KRT6B: variants seen among roughly 807,000 people sequenced by gnomAD.
KRT6B encodes the protein keratin, type II cytoskeletal 6B.
KRT6B carries 29 observed loss-of-function variants against 44.7 expected under a neutral mutation model. That is an observed-to-expected ratio of 0.65 (90% CI 0.48 to 0.88). The LOEUF is 0.88. Among genes scored for constraint, KRT6B ranks in the 40% least tolerant of loss-of-function variants. The pLI, the probability that KRT6B is intolerant of heterozygous loss-of-function variation, is 0.00. For missense variants in KRT6B, 600 were observed against 724.0 expected (o/e 0.83, Z 1.97); for synonymous variants, 213 against 296.0 (o/e 0.72, Z 2.88).
chr12:52,447,426 C>T lies in KRT6B; in HGVS notation c.1460-1G>A. The T allele has an allele frequency of 6.2e-7, 1 of 1,614,026 alleles. No homozygotes were observed. Among genetic ancestry groups the T allele is most frequent in the Non-Finnish European group, 8.5e-7 (1 of 1,179,954 alleles). The stretch of plus-strand genomic sequence containing the variant: ...CTGGAGACGGTGGACTGCACTACAG[C>T]TGTGGTGGGGAGGGGACAAGGACAC... On this transcript the variant is annotated splice_acceptor_variant, in intron 8 of 8. Transcript: ENST00000252252. LOFTEE classifies it high-confidence loss of function.
rs1253671512 is a variant in KRT6B at position 52,448,964 on chromosome 12, C to T, written c.1081G>A (p.Glu361Lys). The T allele has an allele frequency of 1.8e-5, 29 of 1,612,762 alleles. No homozygotes were observed. The Middle Eastern group carries it at 4.9e-4, about 27-fold the overall frequency. The change falls in exon 6 of 9, where the codon GAG (glutamate) becomes AAG (lysine). Residue 361 changes from glutamate to lysine, a missense_variant. Glu to Lys is a moderately conservative substitution (Grantham distance 56, BLOSUM62 1). Around this residue, in one of 4 missense-constraint regions of KRT6B, gnomAD observed 479 missense variants for 454.2 expected, o/e 1.05. Transcript: ENST00000252252. ...CTGCCTGCTGTGATCTGCAGCTCCT[C>T]GTACTGCAGCCCAGAGGTGGAGAGA... ...EAESWYQTKY[E>K]ELQITAGRHG... is the part of the protein sequence containing the mutation.
rs1341430226 is a variant in KRT6B at position 52,447,937 on chromosome 12, TCCTTGAGGG to T, written c.1256_1264del (p.Ala419_Lys421del). The T allele has an allele frequency of 3.7e-6, 6 of 1,614,052 alleles. No homozygotes were observed. The highest frequency in any genetic ancestry group is 5.1e-6 in the Non-Finnish European group (6 of 1,180,044). On this transcript the variant is annotated inframe_deletion, in exon 7 of 9. Transcript: ENST00000252252. The stretch of plus-strand genomic sequence containing the variant: ...CAGCCCTTCCAGCTTGTTCTTAGCA[TCCTTGAGGG>T]CCATCTCCCCACGCTGCTCAGCATC...
chr12:52,450,706 T>A, intron 1 of KRT6B, 86 bp from the exon 2 acceptor site: 2 of 1,595,254 alleles, frequency 1.3e-6, no homozygotes, highest in Non-Finnish European at 1.7e-6. Flanking sequence ...GTCTGGGAGG[T>A]CCCCATGGTG....
At position 52,449,813 on chromosome 12, in the gene KRT6B, G is replaced by T. The variant is rs771623502; in HGVS notation, c.857C>A (p.Ala286Asp). 3 of 1,613,984 alleles carry T rather than the reference G, an allele frequency of 1.9e-6. No individual in the cohort carries two copies. Among genetic ancestry groups the T allele is most frequent in the Non-Finnish European group, 2.5e-6 (3 of 1,179,892 alleles). Reference protein sequence around the residue: ...AAYMNKVELQAKADTLTDEIN... With the variant: ...AAYMNKVELQDKADTLTDEIN... ...CTCATCTGTAAGAGTGTCTGCCTTG[G>T]CTTGCAGTTCAACCTTGTTCATGTA... is the stretch of plus-strand genomic sequence containing the variant. The change falls in exon 4 of 9, where the codon GCC becomes GAC. Residue 286 changes from alanine (A) to aspartate (D), a missense_variant. Ala to Asp is a moderately radical substitution (Grantham distance 126). Transcript: ENST00000252252.
chr12:52,450,347 A>T (rs1414654840), intron 2 of KRT6B, 59 bp downstream of exon 2: 2 of 1,584,084 alleles, frequency 1.3e-6, no homozygotes, highest in African/African-American at 1.4e-5. Flanking sequence ...TCCTACACAC[A>T]TCTGGCCCTG....
chr12:52,448,088 C>G, intron 6 of KRT6B, 90 bp from the exon 7 acceptor site: 1 of 1,535,344 alleles, frequency 6.5e-7, no homozygotes, highest in South Asian at 1.1e-5. Flanking sequence ...AAGAAGGCAC[C>G]AGGAACCCAG....
rs370867896 is a variant in KRT6B, at chr12:52,449,645, A to G, written c.913-12T>C. On this transcript the variant is annotated splice_polypyrimidine_tract_variant and intron_variant, in intron 4 of 8. Coordinates refer to ENST00000252252, the MANE Select transcript of KRT6B (RefSeq NM_005555.4). ...ATCTGGGACAGCTCCTGCAGAACAGAAGGTCATAAGATCAACTTCACTTCT... is the reference window on the plus strand; with the variant it reads ...ATCTGGGACAGCTCCTGCAGAACAGGAGGTCATAAGATCAACTTCACTTCT... The G allele has an allele frequency of 7.4e-6, 12 of 1,614,074 alleles. No homozygotes were observed. Among genetic ancestry groups the G allele is most frequent in the Non-Finnish European group, 1.0e-5 (12 of 1,180,040 alleles).
At chr12:52,448,031 A>G (rs747404286) in intron 6 of KRT6B, 33 bp from the exon 7 acceptor site, 1 of 1,613,878 alleles carries the variant, frequency 6.2e-7, no homozygotes, top group Non-Finnish European at 8.5e-7. Context: ...AGAACTTGTC[A>G]TCTGGTCTTC....
In KRT6B at chr12:52,446,832, GA is replaced by G; in HGVS notation, c.*357del. 2.9e-6 allele frequency: 1 copy of G among 342,908 alleles called. No individual in the cohort carries two copies. The highest frequency in any genetic ancestry group is 3.5e-5 in the South Asian group (1 of 28,394). The allele number at this position is 342,908 out of a possible 1,614,324, so 21.2% of individuals were successfully genotyped here. On this transcript the variant is annotated 3_prime_UTR_variant, in exon 9 of 9. Coordinates refer to ENST00000252252, the MANE Select transcript of KRT6B (RefSeq NM_005555.4). ...TCCTGAGTGTAGCTATAATGGGCAGGATGGTTAGCAATTAAAGAGAGGACTC... is the reference window on the plus strand; with the variant it reads ...TCCTGAGTGTAGCTATAATGGGCAGGTGGTTAGCAATTAAAGAGAGGACTC...
In KRT6B at chr12:52,449,451, T is replaced by A; in HGVS notation, c.1077+18A>T. ...ATGGACACAAGGATTCCTCAGCGGCTGTCCACTCCGTGCTCACCTTTGTCT... is the reference window on the plus strand; with the variant it reads ...ATGGACACAAGGATTCCTCAGCGGCAGTCCACTCCGTGCTCACCTTTGTCT... On this transcript the variant is annotated intron_variant, in intron 5 of 8. Coordinates refer to ENST00000252252, the MANE Select transcript of KRT6B (RefSeq NM_005555.4). The A allele has an allele frequency of 1.2e-6, 2 of 1,614,210 alleles. No homozygotes were observed. Among genetic ancestry groups the A allele is most frequent in the South Asian group, 2.2e-5 (2 of 91,080 alleles).
At chr12:52,450,139 G>A (rs1940374838) in intron 2 of KRT6B, 67 bp from the exon 3 acceptor site, 1 of 1,613,322 alleles carries the variant, frequency 6.2e-7, no homozygotes. Flanking sequence ...AGCAGCTTGG[G>A]ATTCAACATT....
chr12:52,449,962 C>G (rs762708461), intron 3 of KRT6B, 50 bp downstream of exon 3: 3 of 1,613,772 alleles, frequency 1.9e-6, no homozygotes, highest in Non-Finnish European at 2.5e-6. Context: ...GGACACAGAG[C>G]CACTTCTCTC....
At chr12:52,448,074 A>C in intron 6 of KRT6B, 76 bp from the exon 7 acceptor site, 3 of 1,591,444 alleles carry the variant, frequency 1.9e-6, no homozygotes, top group Non-Finnish European at 2.6e-6. Flanking sequence ...GTTCTTTTCC[A>C]GTGAAGAAGG....
intron 2 of KRT6B, 141 bp from the exon 3 acceptor site, chr12:52,450,213 G>A (rs1309839376): frequency 6.5e-7 from 1 of 1,542,794 alleles, no homozygotes; most frequent in Non-Finnish European, 8.9e-7. Context: ...GATGAATTTT[G>A]CTACTACTAA....
chr12:52,447,902 G>C lies in KRT6B; in HGVS notation c.1300C>G (p.Leu434Val). ...KNKLEGLEDA[L>V]QKAKQDLARL... Reference sequence around the variant, plus strand: ...GCCAGGTCCTGCTTGGCCTTCTGCAGGGCATCCTCCAGCCCTTCCAGCTTG... The same window carrying C: ...GCCAGGTCCTGCTTGGCCTTCTGCACGGCATCCTCCAGCCCTTCCAGCTTG... The change falls in exon 7 of 9, where the codon CTG becomes GTG. Residue 434 changes from leucine to valine, a missense_variant. Physicochemically the swap from Leu to Val is conservative, Grantham distance 32 (BLOSUM62 1). Coordinates refer to ENST00000252252, the MANE Select transcript of KRT6B (RefSeq NM_005555.4). The C allele has an allele frequency of 2.5e-6, 4 of 1,614,176 alleles. No homozygotes were observed. Among genetic ancestry groups the C allele is most frequent in the Non-Finnish European group, 3.4e-6 (4 of 1,180,042 alleles).
chr12:52,451,744 A>G lies in KRT6B; in HGVS notation c.335T>C (p.Leu112Pro). The G allele has an allele frequency of 1.9e-6, 3 of 1,612,678 alleles. No homozygotes were observed. Among genetic ancestry groups the G allele is most frequent in the Non-Finnish European group, 2.5e-6 (3 of 1,179,798 alleles). Residue 112 changes from leucine (L) to proline (P), a missense_variant, in exon 1 of 9, where the codon CTG becomes CCG. Physicochemically the swap from Leu to Pro is moderately conservative, Grantham distance 98. Transcript: ENST00000252252. ...ACCAGCAAGGCCGGCTCCACCACCC[A>G]GACCAAAGCCAATGCCGGCTCCACC... ...FGGGAGIGFGLGGGAGLAGGF... is the reference protein window; with the variant it reads ...FGGGAGIGFGPGGGAGLAGGF...
chr12:52,448,743 A>G (rs944992476), intron 6 of KRT6B, 99 bp downstream of exon 6: 1 of 1,596,980 alleles, frequency 6.3e-7, no homozygotes, highest in Non-Finnish European at 8.6e-7. Context: ...TCTGCTTATC[A>G]ATCAATTCCC....
chr12:52,452,146 C>G lies in KRT6B; in HGVS notation c.-68G>C. On this transcript the variant is annotated 5_prime_UTR_variant, in exon 1 of 9. Coordinates refer to ENST00000252252, the MANE Select transcript of KRT6B (RefSeq NM_005555.4). The stretch of plus-strand genomic sequence containing the variant: ...GAGGCGAGAGGGAGGAGAAGCAGGA[C>G]GAGGAATCGGACTCCAGTAGCAGCT... 6.2e-7 allele frequency: 1 copy of G among 1,608,960 alleles called. No homozygotes were observed. The highest frequency in any genetic ancestry group is 1.1e-5 in the South Asian group (1 of 90,388).
Position 52,447,036 on chromosome 12 carries a change from C to G in KRT6B, c.*154G>C. Reference sequence around the variant, plus strand: ...GGTAAGCAACAGGAGCTCAGTGGAACAGGTATTGATGAGAAGAAAAGTGAG... The same window carrying G: ...GGTAAGCAACAGGAGCTCAGTGGAAGAGGTATTGATGAGAAGAAAAGTGAG... On this transcript the variant is annotated 3_prime_UTR_variant, in exon 9 of 9. Coordinates refer to ENST00000252252, the MANE Select transcript of KRT6B (RefSeq NM_005555.4). The G allele has an allele frequency of 1.2e-6, 1 of 856,212 alleles. No individual in the cohort carries two copies. 53.0% of individuals were successfully genotyped at this position (856,212 alleles called of 1,614,324 possible). A position where few individuals can be genotyped will look rare whatever the true frequency, so the allele number is the denominator to read the frequency against.
Sources: gnomAD v4.1 joint callset for allele counts on GRCh38, gnomAD v4.1.1 for gene constraint, gnomAD v4.1.1 regional missense constraint, MANE v1.5 for transcripts, NCBI Gene and HGNC (gene_info 2026-07-23, HGNC 2026-07-21) for gene names.